MGAM: variants seen among roughly 807,000 people sequenced by gnomAD.
MGAM encodes the protein alpha-1,4-glucosidase.
Under a neutral mutation model 358.8 loss-of-function variants are expected in MGAM, and 253 were observed. The observed-to-expected ratio is 0.71, with a 90% confidence interval of 0.64 to 0.78. The LOEUF is 0.78. Ranked by LOEUF, MGAM falls within the 30% of genes least tolerant of loss-of-function variation. The pLI, the probability that MGAM is intolerant of heterozygous loss-of-function variation, is 0.00. For synonymous variants in MGAM, 1,105 were observed against 1,227.1 expected, an observed-to-expected ratio of 0.90 and a Z score of 2.08; for missense variants, 3,080 against 3,432.6, an observed-to-expected ratio of 0.90 and a Z score of 2.57.
intron 21 of MGAM, among the ~76,000 whole-genome samples, chr7:142,044,125 C>T (rs1247541723): frequency 7.0e-6 from 1 of 141,950 alleles, no homozygotes; most frequent in Admixed American, 7.3e-5. Context: ...ACACATACGA[C>T]GTATAATATG....
In MGAM at chr7:142,105,954, A is replaced by C; in HGVS notation, c.*63A>C. The stretch of plus-strand genomic sequence containing the variant: ...TTGAAACTACTTATACTTCATACTC[A>C]TAAAAATTATTGTGTGTTGCTAATT... On this transcript the variant is annotated 3_prime_UTR_variant, in exon 71 of 71. Transcript: ENST00000475668. The C allele has an allele frequency of 3.2e-6, 4 of 1,247,346 alleles. No homozygotes were observed. Among genetic ancestry groups the C allele is most frequent in the Non-Finnish European group, 4.7e-6 (4 of 853,934 alleles). 77.3% of individuals were successfully genotyped at this position (1,247,346 alleles called of 1,614,324 possible).
intron 57 of MGAM, among the ~76,000 whole-genome samples, chr7:142,088,751 A>C (rs12155112): frequency 3.7e-5 from 1 of 27,380 alleles, no homozygotes; most frequent in East Asian, 1.4e-3. Flanking sequence ...CTGTCTGTCT[A>C]TCTATCTATC....
At chr7:142,098,501 C>T (rs1563227129) in intron 66 of MGAM, among the ~76,000 whole-genome samples, 2 of 152,078 alleles carry the variant, frequency 1.3e-5, no homozygotes. Context: ...CCCCTTTCAT[C>T]CAAGGGGATT....
chr7:142,098,875 T>C (rs1055387420), intron 66 of MGAM, among the ~76,000 whole-genome samples: 1 of 152,274 alleles, frequency 6.6e-6, no homozygotes, highest in African/African-American at 2.4e-5. Context: ...ATGAATTTCA[T>C]AGTTAATATT....
chr7:142,103,527 C>T lies in MGAM; in HGVS notation c.8184+88C>T, dbSNP rs949370823. 5.5e-6 allele frequency: 7 copies of T among 1,274,660 alleles called. No individual in the cohort carries two copies. The African/African-American group carries it at 1.1e-4, about 19-fold the overall frequency. 79.0% of individuals were successfully genotyped at this position (1,274,660 alleles called of 1,614,324 possible). A position where few individuals can be genotyped will look rare whatever the true frequency, so the allele number is the denominator to read the frequency against. ...TGACTGCTTCCCTTCCAAATGATGC[C>T]CTCTCCTGCCAGGCCCTCCGGGAAT... On this transcript the variant is annotated intron_variant, in intron 70 of 70. Transcript: ENST00000475668.
chr7:142,058,522 A>G (rs997721842), intron 31 of MGAM, among the ~76,000 whole-genome samples, 194 bp downstream of exon 31: 1 of 152,250 alleles, frequency 6.6e-6, no homozygotes, highest in African/African-American at 2.4e-5. Context: ...TGACAGCTCA[A>G]GACCCAGCAT....
rs752366532 is a variant in MGAM at position 142,094,798 on chromosome 7, G to A, written c.7393G>A (p.Val2465Ile). 1.2e-6 allele frequency: 2 copies of A among 1,613,882 alleles called. No individual in the cohort carries two copies. Among genetic ancestry groups the A allele is most frequent in the South Asian group, 1.1e-5 (1 of 91,074 alleles). Residue 2465 changes from valine (V) to isoleucine (I), a missense_variant, in exon 63 of 71, where the codon GTT (valine) becomes ATT (isoleucine). This residue lies in a region of MGAM where 932 missense variants were observed against 1,198.2 expected (regional missense o/e 0.78). Coordinates refer to ENST00000475668, the MANE Select transcript of MGAM (RefSeq NM_001365693.1). ...FFQDAEYEMC[V>I]RWMQLGAFYP... ...TCAAGATGCTGAATATGAGATGTGT[G>A]TTCGCTGGATGCAGCTGGGGGCCTT...
At chr7:142,057,034 C>G in intron 30 of MGAM, 92 bp downstream of exon 30, 1 of 1,126,688 alleles carries the variant, frequency 8.9e-7, no homozygotes, top group Non-Finnish European at 1.3e-6. Flanking sequence ...CAGTTGACAA[C>G]TGGAAATATT....
At position 142,093,425 on chromosome 7, in the gene MGAM, G is replaced by C; in HGVS notation, c.7047G>C (p.Arg2349Ser). ...CTTCCTCCTCAGATTTGGAGTCCAG[G>C]GACAGGGGCCTGAGCAGCAAGACCC... ...HPPYMPYLESRDRGLSSKTLC... is the reference protein window; with the variant it reads ...HPPYMPYLESSDRGLSSKTLC... Residue 2349 changes from arginine to serine, a missense_variant, in exon 60 of 71, where the codon AGG becomes AGC. This residue lies in a region of MGAM where 932 missense variants were observed against 1,198.2 expected (regional missense o/e 0.78). Transcript: ENST00000475668. The C allele has an allele frequency of 6.5e-7, 1 of 1,538,330 alleles. No individual in the cohort carries two copies. The highest frequency in any genetic ancestry group is 8.9e-7 in the Non-Finnish European group (1 of 1,123,484).
At chr7:142,060,252 A>T in intron 33 of MGAM, 59 bp from the exon 34 acceptor site, 1 of 1,589,044 alleles carries the variant, frequency 6.3e-7, no homozygotes, top group African/African-American at 1.3e-5. Flanking sequence ...ATTTATTAGG[A>T]AATACTATGT....
At position 142,095,633 on chromosome 7, in the gene MGAM, C is replaced by T. The variant is rs1358215263; in HGVS notation, c.7527C>T (p.Tyr2509=). 6.2e-7 allele frequency: 1 copy of T among 1,613,936 alleles called. No homozygotes were observed. Among genetic ancestry groups the T allele is most frequent in the East Asian group, 2.2e-5 (1 of 44,882 alleles). ...NISRTVLQTR[Y]TLLPYLYTLM... ...CCAGAACTGTCCTGCAGACCAGATA[C>T]ACCCTGTTGCCATATCTGTATACCT... Residue 2509 remains tyrosine (Y), a synonymous_variant, in exon 64 of 71, where the codon TAC becomes TAT. Coordinates refer to ENST00000475668, the MANE Select transcript of MGAM (RefSeq NM_001365693.1).
intron 21 of MGAM, among the ~76,000 whole-genome samples, chr7:142,041,868 T>G (rs1457063351): frequency 9.4e-6 from 1 of 105,906 alleles, no homozygotes; most frequent in African/African-American, 3.6e-5. Context: ...ATTTTATATA[T>G]ATATTATATA....
Position 142,085,988 on chromosome 7 carries a change from T to C in MGAM, c.6636+27T>C, listed in dbSNP as rs754672101. The C allele has an allele frequency of 9.7e-6, 15 of 1,553,614 alleles. 4 individuals are homozygous for C. The highest frequency in any genetic ancestry group is 1.3e-5 in the Non-Finnish European group (15 of 1,130,808). On this transcript the variant is annotated intron_variant, in intron 55 of 70. Coordinates refer to ENST00000475668, the MANE Select transcript of MGAM (RefSeq NM_001365693.1). ...TTAGTCCTGATGTGAATGTGTGCGGTCTGTTTGGGAGCAGGTATGGGTTTT... is the reference window on the plus strand; with the variant it reads ...TTAGTCCTGATGTGAATGTGTGCGGCCTGTTTGGGAGCAGGTATGGGTTTT...
chr7:142,084,089 T>C (rs1814560263), intron 53 of MGAM, among the ~76,000 whole-genome samples: 1 of 146,382 alleles, frequency 6.8e-6, no homozygotes, highest in African/African-American at 2.4e-5. Flanking sequence ...ACTTTGCACA[T>C]AGTAACTCAT....
At chr7:142,085,405 ACTTGTTTTGC>A (rs1460925456) in intron 54 of MGAM, among the ~76,000 whole-genome samples, 6 of 145,452 alleles carry the variant, frequency 4.1e-5, no homozygotes, top group African/African-American at 1.5e-4. Context: ...CTTTGTTTTG[ACTTGTTTTGC>A]AGTAGATTTA....
At chr7:142,058,403 G>A in intron 31 of MGAM, 75 bp downstream of exon 31, 1 of 1,595,402 alleles carries the variant, frequency 6.3e-7, no homozygotes, top group South Asian at 1.1e-5. Flanking sequence ...TTTGTCTAAT[G>A]TTTGTTGGAT....
chr7:142,030,317 T>A (rs782187525), intron 10 of MGAM, 45 bp from the exon 11 acceptor site: 15 of 1,594,674 alleles, frequency 9.4e-6, no homozygotes, highest in Non-Finnish European at 1.3e-5. Flanking sequence ...CATTTTACTA[T>A]GGAAATTCCT....
At chr7:142,032,695 T>C (rs1807614338) in intron 13 of MGAM, 130 bp from the exon 14 acceptor site, 2 of 585,876 alleles carry the variant, frequency 3.4e-6, no homozygotes, top group Admixed American at 3.1e-5. Context: ...ACCTACTCTA[T>C]TCCATTTATA....
chr7:142,047,687 G>C, intron 21 of MGAM, 98 bp from the exon 22 acceptor site: 1 of 1,149,424 alleles, frequency 8.7e-7, no homozygotes, highest in African/African-American at 1.5e-5. Flanking sequence ...TCTGCTGCTA[G>C]TAACTTTTCC....
Sources: gnomAD v4.1 joint callset for allele counts (sites outside exome capture counted in the v4.1 genomes callset) on GRCh38, gnomAD v4.1.1 for gene constraint, gnomAD v4.1.1 regional missense constraint, MANE v1.5 for transcripts, NCBI Gene and HGNC (gene_info 2026-07-23, HGNC 2026-07-21) for gene names.